Variants in SEMA5B observed in about 807,000 individuals in gnomAD.
SEMA5B encodes the protein semaphorin 5B.
In SEMA5B, 66 loss-of-function variants were observed where a neutral mutation model predicts 135.0. That is an observed-to-expected ratio of 0.49 (90% CI 0.40 to 0.60). The LOEUF is 0.60. SEMA5B is among the 20% of genes least tolerant of loss of function. The probability of loss-of-function intolerance (pLI) is 0.00; values close to 1 mark genes in which losing one functional copy is unlikely to be tolerated. For synonymous variants in SEMA5B, 690 were observed against 639.5 expected, an observed-to-expected ratio of 1.08 and a Z score of -1.19; for missense variants, 1,501 against 1,566.3, an observed-to-expected ratio of 0.96 and a Z score of 0.70.
chr3:122,983,766 C>T (rs984209087), intron 1 of SEMA5B, among the ~76,000 whole-genome samples: 2 of 132,730 alleles, frequency 1.5e-5, no homozygotes, highest in African/African-American at 5.6e-5. Flanking sequence ...AGATTGGAGG[C>T]TACTGATGTT....
At chr3:122,964,662 C>A (rs1004507803) in intron 1 of SEMA5B, among the ~76,000 whole-genome samples, 1 of 152,160 alleles carries the variant, frequency 6.6e-6, no homozygotes, top group South Asian at 2.1e-4. Context: ...CAAGGGAACC[C>A]GCTCTTCCTG....
intron 1 of SEMA5B, among the ~76,000 whole-genome samples, chr3:123,024,681 G>A (rs1158647124): frequency 2.0e-5 from 3 of 152,186 alleles, no homozygotes; most frequent in East Asian, 3.8e-4. Flanking sequence ...ACAGGTCAGA[G>A]GTAGAACCAG....
chr3:122,929,071 C>T lies in SEMA5B; in HGVS notation c.475-13G>A. On this transcript the variant is annotated splice_polypyrimidine_tract_variant and intron_variant, in intron 5 of 22. Coordinates refer to ENST00000357599, the MANE Select transcript of SEMA5B (RefSeq NM_001031702.4). Reference sequence around the variant, plus strand: ...CCCACTCTGTGGCCTGGGGGAGGAACATAGGAGCACACAGACATCACATGG... The same window carrying T: ...CCCACTCTGTGGCCTGGGGGAGGAATATAGGAGCACACAGACATCACATGG... 2 of 1,610,100 alleles carry T rather than the reference C, an allele frequency of 1.2e-6. No individual in the cohort carries two copies. Among genetic ancestry groups the T allele is most frequent in the Middle Eastern group, 1.6e-4 (1 of 6,062 alleles).
chr3:122,922,039 G>T lies in SEMA5B; in HGVS notation c.1564C>A (p.Pro522Thr). 2 of 1,495,700 alleles carry T rather than the reference G, an allele frequency of 1.3e-6. No individual in the cohort carries two copies. The highest frequency in any genetic ancestry group is 2.7e-5 in the South Asian group (2 of 74,682). 92.7% of individuals were successfully genotyped at this position (1,495,700 alleles called of 1,614,324 possible). The change falls in exon 12 of 23, where the codon CCC (proline) becomes ACC (threonine). Residue 522 changes from proline (P) to threonine (T), a missense_variant. By Grantham distance (38) the Pro-to-Thr change is conservative (BLOSUM62 -1). Coordinates refer to ENST00000357599, the MANE Select transcript of SEMA5B (RefSeq NM_001031702.4). The stretch of plus-strand genomic sequence containing the variant: ...CTGCGCAGGGGCTCGCGGCGCCCGG[G>T]GGGCAGCACGTGCAGCTCCTCCAGG... Reference protein sequence around the residue: ...CYLEELHVLPPGRREPLRSLR... With the variant: ...CYLEELHVLPTGRREPLRSLR...
chr3:122,940,622 C>A (rs1001489248), intron 4 of SEMA5B, among the ~76,000 whole-genome samples: 2 of 152,190 alleles, frequency 1.3e-5, no homozygotes, highest in African/African-American at 4.8e-5. Flanking sequence ...GGAGTGGGAC[C>A]GGAAGAGAAA....
chr3:122,990,180 A>G lies in SEMA5B; in HGVS notation c.-38-28879T>C, dbSNP rs114177547. 7.1e-3 allele frequency among the ~76,000 whole-genome samples: 1,075 copies of G among 152,276 alleles called. 12 individuals are homozygous for G. The highest frequency in any genetic ancestry group is 0.025 in the African/African-American group (1,033 of 41,558). On this transcript the variant is annotated intron_variant, in intron 1 of 22. Transcript: ENST00000357599. ...CCTTCCACAAATTGGATTTTGGCCAATAACTTCTCTGCAACATGAGGCTTC... is the reference window on the plus strand; with the variant it reads ...CCTTCCACAAATTGGATTTTGGCCAGTAACTTCTCTGCAACATGAGGCTTC...
At chr3:122,923,304 G>A (rs372513575) in intron 10 of SEMA5B, among the ~76,000 whole-genome samples, 32 of 152,322 alleles carry the variant, frequency 2.1e-4, no homozygotes, top group African/African-American at 7.5e-4. Flanking sequence ...CAGCCAGACA[G>A]CTTGTGTAGT....
Position 122,910,035 on chromosome 3 carries a change from G to C in SEMA5B, c.*108C>G. 1 of 1,213,848 alleles carries C rather than the reference G, an allele frequency of 8.2e-7. No homozygotes were observed. Among genetic ancestry groups the C allele is most frequent in the Non-Finnish European group, 1.1e-6 (1 of 872,924 alleles). 75.2% of individuals were successfully genotyped at this position (1,213,848 alleles called of 1,614,324 possible). On this transcript the variant is annotated 3_prime_UTR_variant, in exon 23 of 23. Coordinates refer to ENST00000357599, the MANE Select transcript of SEMA5B (RefSeq NM_001031702.4). ...GGACCCCCCACAGGCAAGGCAGCAAGTTCTTGGCCTAGTGCAGAGGGAGAA... is the reference window on the plus strand; with the variant it reads ...GGACCCCCCACAGGCAAGGCAGCAACTTCTTGGCCTAGTGCAGAGGGAGAA...
At chr3:123,006,733 C>A (rs575792957) in intron 1 of SEMA5B, among the ~76,000 whole-genome samples, 1 of 152,102 alleles carries the variant, frequency 6.6e-6, no homozygotes, top group African/African-American at 2.4e-5. Context: ...TGTTGAGCAA[C>A]GGCCAGGCCT....
At chr3:122,954,659 G>A (rs950071264) in intron 2 of SEMA5B, among the ~76,000 whole-genome samples, 2 of 152,216 alleles carry the variant, frequency 1.3e-5, no homozygotes, top group African/African-American at 4.8e-5. Flanking sequence ...GCAGATAGGA[G>A]GAATGGTGCC....
At chr3:122,970,947 T>G (rs180706971) in intron 1 of SEMA5B, among the ~76,000 whole-genome samples, 1 of 152,170 alleles carries the variant, frequency 6.6e-6, no homozygotes, top group East Asian at 1.9e-4. Context: ...AGTTTGTCCA[T>G]CAGGGGCATT....
intron 1 of SEMA5B, among the ~76,000 whole-genome samples, chr3:123,020,186 T>A (rs1206650331): frequency 3.9e-5 from 6 of 152,194 alleles, no homozygotes; most frequent in African/African-American, 1.4e-4. Context: ...ACAATTTAAA[T>A]GTCCAACCAC....
intron 5 of SEMA5B, among the ~76,000 whole-genome samples, chr3:122,933,295 G>GC (rs1410319906): frequency 6.6e-6 from 1 of 151,902 alleles, no homozygotes; most frequent in East Asian, 1.9e-4. Flanking sequence ...TCAAATTCTT[G>GC]CATGTCTGAT....
rs1553778839 is a variant in SEMA5B at position 122,966,887 on chromosome 3, T to TTATTATTAC, written c.-38-5587_-38-5586insGTAATAATA. On this transcript the variant is annotated intron_variant, in intron 1 of 22. Transcript: ENST00000357599. ...ACTATTATTATTATTATTATTATTA[T>TTATTATTAC]TATTATTATTATTAGAGATGGAGTT... is the stretch of plus-strand genomic sequence containing the variant. Among the ~76,000 whole-genome samples the TTATTATTAC allele has an allele frequency of 7.7e-3, 1,105 of 142,882 alleles. 13 individuals are homozygous for TTATTATTAC. Among genetic ancestry groups the TTATTATTAC allele is most frequent in the South Asian group, 0.037 (165 of 4,462 alleles). 93.7% of individuals were successfully genotyped at this position (142,882 alleles called of 152,430 possible). A position where few individuals can be genotyped will look rare whatever the true frequency, so the allele number is the denominator to read the frequency against.
intron 18 of SEMA5B, 66 bp downstream of exon 18, chr3:122,912,777 C>A (rs1035264844): frequency 4.2e-6 from 6 of 1,422,524 alleles, no homozygotes; most frequent in African/African-American, 2.9e-5. Context: ...AGGCCTGGGG[C>A]GGGGAAGGGG....
chr3:122,929,209 C>A (rs890222060), intron 5 of SEMA5B, 151 bp from the exon 6 acceptor site: 5 of 728,386 alleles, frequency 6.9e-6, no homozygotes, highest in Non-Finnish European at 4.6e-6. Flanking sequence ...CTCACTACAT[C>A]CACATGGACG....
chr3:122,987,432 G>C (rs947818592), intron 1 of SEMA5B, among the ~76,000 whole-genome samples: 1 of 152,224 alleles, frequency 6.6e-6, no homozygotes, highest in Non-Finnish European at 1.5e-5. Context: ...CCACTGAGTA[G>C]GATTTAGGGG....
intron 6 of SEMA5B, 34 bp downstream of exon 6, chr3:122,928,962 C>T: frequency 6.2e-7 from 1 of 1,608,506 alleles, no homozygotes. Flanking sequence ...CTTCCAGCTC[C>T]AGGTGGGGCC....
chr3:123,007,569 T>C (rs1168032565), intron 1 of SEMA5B, among the ~76,000 whole-genome samples: 1 of 152,196 alleles, frequency 6.6e-6, no homozygotes, highest in African/African-American at 2.4e-5. Context: ...AATGGACTAG[T>C]TCATTCATGG....
Sources: gnomAD v4.1 joint callset for allele counts (sites outside exome capture counted in the v4.1 genomes callset) on GRCh38, gnomAD v4.1.1 for gene constraint, MANE v1.5 for transcripts, NCBI Gene and HGNC (gene_info 2026-07-23, HGNC 2026-07-21) for gene names.